ATG10: variants seen among roughly 807,000 people sequenced by gnomAD.
ATG10 encodes the protein autophagy related 10, also known as ubiquitin-like-conjugating enzyme ATG10.
Under a neutral mutation model 32.1 loss-of-function variants are expected in ATG10, and 30 were observed. That is an observed-to-expected ratio of 0.94 (90% CI 0.70 to 1.27). The LOEUF (loss-of-function observed/expected upper bound fraction) is 1.27, where lower values mean the gene tolerates loss of function less well. Among genes scored for constraint, ATG10 ranks in the 50% most tolerant of loss-of-function variants. The pLI is 0.00. For missense variants in ATG10, 233 were observed against 262.3 expected, an observed-to-expected ratio of 0.89 and a Z score of 0.77; for synonymous variants, 87 against 91.5, an observed-to-expected ratio of 0.95 and a Z score of 0.28.
intron 5 of ATG10, among the ~76,000 whole-genome samples, chr5:82,193,481 C>T (rs570439006): frequency 3.9e-5 from 6 of 152,140 alleles, no homozygotes; most frequent in East Asian, 1.9e-4. Flanking sequence ...TAAACTTGTT[C>T]GTATACAGCT....
At chr5:82,049,545 T>TATA (rs1164130033) in intron 2 of ATG10, among the ~76,000 whole-genome samples, 2 of 151,242 alleles carry the variant, frequency 1.3e-5, no homozygotes, top group East Asian at 3.9e-4. Context: ...AAACTTAAAG[T>TATA]ATAATAATAA....
intron 3 of ATG10, among the ~76,000 whole-genome samples, chr5:82,095,894 A>G (rs755722060): frequency 6.6e-6 from 1 of 152,176 alleles, no homozygotes; most frequent in Non-Finnish European, 1.5e-5. Context: ...TTAGTAGGAA[A>G]ATTAACAGGC....
chr5:82,172,190 ATAG>A (rs1277676185), intron 4 of ATG10, among the ~76,000 whole-genome samples: 1 of 152,200 alleles, frequency 6.6e-6, no homozygotes, highest in Non-Finnish European at 1.5e-5. Flanking sequence ...ACCACTAGTA[ATAG>A]TAGCAACAAG....
At chr5:82,123,287 T>A (rs989619305) in intron 3 of ATG10, among the ~76,000 whole-genome samples, 1 of 152,172 alleles carries the variant, frequency 6.6e-6, no homozygotes, top group Non-Finnish European at 1.5e-5. Context: ...ACCGTTATGT[T>A]CTTACTTATT....
In ATG10 at chr5:82,124,677, A is replaced by T. The variant is rs146866506; in HGVS notation, c.217-39722A>T. Among the ~76,000 whole-genome samples, 98 of 152,162 alleles carry T rather than the reference A, an allele frequency of 6.4e-4. No homozygotes were observed. In the East Asian group the frequency reaches 0.017, roughly 27 times the overall value. Reference sequence around the variant, plus strand: ...GGTGTATATGTGCCATGTCTTCTTTATCCAGTCTAACATTGATGGGCATTT... The same window carrying T: ...GGTGTATATGTGCCATGTCTTCTTTTTCCAGTCTAACATTGATGGGCATTT... On this transcript the variant is annotated intron_variant, in intron 3 of 7. Transcript: ENST00000282185.
chr5:82,108,241 G>A (rs983608161), intron 3 of ATG10, among the ~76,000 whole-genome samples: 1 of 151,940 alleles, frequency 6.6e-6, no homozygotes, highest in African/African-American at 2.4e-5. Context: ...TACTAGGTAA[G>A]GTCAGACATT....
intron 2 of ATG10, among the ~76,000 whole-genome samples, chr5:82,053,659 A>G (rs1262668058): frequency 6.6e-6 from 1 of 152,076 alleles, no homozygotes; most frequent in Non-Finnish European, 1.5e-5. Flanking sequence ...GTGAGGAAGT[A>G]TTCTCTTTAT....
intron 3 of ATG10, among the ~76,000 whole-genome samples, chr5:82,063,804 A>T (rs895144529): frequency 6.6e-6 from 1 of 152,040 alleles, no homozygotes; most frequent in African/African-American, 2.4e-5. Context: ...AACTGCTAAC[A>T]TTTTAAAAAC....
chr5:82,217,436 T>C (rs993197031), intron 5 of ATG10, among the ~76,000 whole-genome samples: 1 of 152,170 alleles, frequency 6.6e-6, no homozygotes, highest in East Asian at 1.9e-4. Flanking sequence ...TATGTGCTTA[T>C]ATATTATATT....
chr5:82,168,393 G>T (rs1390512912), intron 4 of ATG10, among the ~76,000 whole-genome samples: 1 of 152,048 alleles, frequency 6.6e-6, no homozygotes, highest in Non-Finnish European at 1.5e-5. Flanking sequence ...TTTGTTCTCA[G>T]TCTCTATTGA....
At chr5:82,232,570 C>T (rs977105211) in intron 5 of ATG10, among the ~76,000 whole-genome samples, 5 of 151,964 alleles carry the variant, frequency 3.3e-5, no homozygotes, top group African/African-American at 1.2e-4. Context: ...TTTCTTAATC[C>T]CAATCTAATA....
At chr5:81,991,537 A>G (rs1324342777) in intron 2 of ATG10, among the ~76,000 whole-genome samples, 2 of 152,084 alleles carry the variant, frequency 1.3e-5, no homozygotes, top group African/African-American at 4.8e-5. Flanking sequence ...TCTTAAAAAA[A>G]GTCTTGTTTA....
intron 3 of ATG10, among the ~76,000 whole-genome samples, chr5:82,123,712 T>C (rs773483894): frequency 6.8e-6 from 1 of 146,990 alleles, no homozygotes; most frequent in Non-Finnish European, 1.5e-5. Flanking sequence ...AGAGGATTGC[T>C]TGAGCCAGGA....
rs147569499 is a variant in ATG10, at chr5:82,152,767, AATAC to A, written c.217-11628_217-11625del. 4.2e-3 allele frequency among the ~76,000 whole-genome samples: 641 copies of A among 152,274 alleles called. 4 individuals are homozygous for A. Among genetic ancestry groups the A allele is most frequent in the African/African-American group, 0.015 (607 of 41,550 alleles). ...TAATATACAAAATATATCATATAGA[AATAC>A]ATATTCATAATTGATCAAGAGGTAA... is the stretch of plus-strand genomic sequence containing the variant. On this transcript the variant is annotated intron_variant, in intron 3 of 7. Coordinates refer to ENST00000282185, the MANE Select transcript of ATG10 (RefSeq NM_031482.5).
intron 3 of ATG10, among the ~76,000 whole-genome samples, chr5:82,114,086 C>T (rs774761832): frequency 7.2e-5 from 11 of 151,846 alleles, no homozygotes; most frequent in Non-Finnish European, 1.2e-4. Context: ...CTTCCTTGTG[C>T]GACTGTGATG....
At chr5:82,123,241 T>A (rs1034330437) in intron 3 of ATG10, among the ~76,000 whole-genome samples, 14 of 152,204 alleles carry the variant, frequency 9.2e-5, no homozygotes, top group African/African-American at 3.1e-4. Context: ...GAGGCTATTA[T>A]CCTTAGCAAA....
intron 3 of ATG10, among the ~76,000 whole-genome samples, chr5:82,063,177 G>T (rs1233168772): frequency 2.0e-5 from 3 of 151,920 alleles, no homozygotes; most frequent in African/African-American, 7.3e-5. Context: ...AAATTAGTTG[G>T]GCCTGGTGGC....
At chr5:82,143,133 C>T (rs910483979) in intron 3 of ATG10, among the ~76,000 whole-genome samples, 2 of 152,162 alleles carry the variant, frequency 1.3e-5, no homozygotes, top group East Asian at 1.9e-4. Flanking sequence ...AACAAAAGCA[C>T]GGAGGTGGAG....
intron 5 of ATG10, among the ~76,000 whole-genome samples, chr5:82,193,494 G>A (rs534525817): frequency 4.6e-5 from 7 of 152,222 alleles, no homozygotes; most frequent in Admixed American, 4.6e-4. Flanking sequence ...ATACAGCTAG[G>A]GTAAAACCTC....
Sources: gnomAD v4.1 joint callset for allele counts (sites outside exome capture counted in the v4.1 genomes callset) on GRCh38, gnomAD v4.1.1 for gene constraint, MANE v1.5 for transcripts, NCBI Gene and HGNC (gene_info 2026-07-23, HGNC 2026-07-21) for gene names.